The following RP1L1 variants were observed in gnomAD, a reference collection of about 807,000 sequenced individuals.
RP1L1 encodes retinitis pigmentosa 1-like 1 protein.
Under a neutral mutation model 15.7 loss-of-function variants are expected in RP1L1, and 27 were observed. That is an observed-to-expected ratio of 1.72 (90% confidence interval 1.27 to 2.38). The LOEUF is 2.38. Among genes scored for constraint, RP1L1 ranks in the 30% most tolerant of loss-of-function variants. The pLI, the probability that RP1L1 is intolerant of heterozygous loss-of-function variation, is 0.00. For synonymous variants in RP1L1, 1,813 were observed against 1,276.7 expected (o/e 1.42, Z -8.96); for missense variants, 4,798 against 3,075.9 (o/e 1.56, Z -13.24).
At chr8:10,627,109 A>G (rs891256469) in intron 1 of RP1L1, among the ~76,000 whole-genome samples, 1 of 152,186 alleles carries the variant, frequency 6.6e-6, no homozygotes, top group East Asian at 1.9e-4. Context: ...GAATTGCCAC[A>G]TGATCCAGAA....
At chr8:10,651,689 G>A (rs964353025) in intron 1 of RP1L1, among the ~76,000 whole-genome samples, 5 of 151,218 alleles carry the variant, frequency 3.3e-5, no homozygotes, top group Admixed American at 6.6e-5. Flanking sequence ...CTCAGGAGGC[G>A]GAGGCTGCAG....
At chr8:10,628,588 A>C (rs1487527297) in intron 1 of RP1L1, among the ~76,000 whole-genome samples, 4 of 152,184 alleles carry the variant, frequency 2.6e-5, no homozygotes, top group Non-Finnish European at 5.9e-5. Context: ...GTGACAGTGG[A>C]GCTCTGGGCT....
intron 1 of RP1L1, among the ~76,000 whole-genome samples, chr8:10,652,894 C>T (rs73662892): frequency 0.023 from 3,487 of 152,218 alleles, 129 homozygotes; most frequent in African/African-American, 0.079. Flanking sequence ...CTAATGTTAC[C>T]TAAAGTATTT....
In RP1L1 at chr8:10,611,127, CG is replaced by C. The variant is rs761197779; in HGVS notation, c.2970del (p.Glu991ArgfsTer80). On this transcript the variant is annotated frameshift_variant, in exon 4 of 4. Coordinates refer to ENST00000382483, the MANE Select transcript of RP1L1 (RefSeq NM_178857.6). LOFTEE classifies it low-confidence loss of function (END_TRUNC). ...TGAAGGGLRG[P>X]EVDPGDDHSL... The stretch of plus-strand genomic sequence containing the variant: ...GAATGGTCATCCCCAGGGTCCACCT[CG>C]GGGCCTCTCAGGCCACCCCCAGCTG... 1 of 1,612,916 alleles carries C rather than the reference CG, an allele frequency of 6.2e-7. No individual in the cohort carries two copies.
At chr8:10,617,063 G>A (rs1797979492) in intron 2 of RP1L1, among the ~76,000 whole-genome samples, 1 of 152,124 alleles carries the variant, frequency 6.6e-6, no homozygotes, top group Non-Finnish European at 1.5e-5. Flanking sequence ...TGTTGCCTCT[G>A]CCCAAGTGGA....
At chr8:10,622,242 C>A (rs1798071316) in intron 2 of RP1L1, among the ~76,000 whole-genome samples, 1 of 151,720 alleles carries the variant, frequency 6.6e-6, no homozygotes, top group African/African-American at 2.4e-5. Flanking sequence ...ATCATTGGAA[C>A]CCAGAAGGCA....
chr8:10,622,899 G>C lies in RP1L1; in HGVS notation c.303C>G (p.Cys101Trp), dbSNP rs756926025. The C allele has an allele frequency of 2.9e-5, 46 of 1,613,868 alleles. No individual in the cohort carries two copies. Among genetic ancestry groups the C allele is most frequent in the Middle Eastern group, 3.3e-4 (2 of 6,054 alleles). The part of the protein sequence containing the change: ...SALEQLEDGG[C>W]YLCSDKKPPK... ...GGGGCTTCTTATCAGAGCAGAGGTA[G>C]CAGCCTCCATCTTCCAGCTGCTCCA... The change falls in exon 2 of 4, where the codon TGC becomes TGG. Residue 101 changes from cysteine to tryptophan, a missense_variant. Transcript: ENST00000382483.
rs1213467871 is a variant in RP1L1 at position 10,610,230 on chromosome 8, C to G, written c.3868G>C (p.Glu1290Gln). Residue 1290 changes from glutamate (E) to glutamine (Q), a missense_variant, in exon 4 of 4, where the codon GAG becomes CAG. Physicochemically the swap from Glu to Gln is conservative, Grantham distance 29. Coordinates refer to ENST00000382483, the MANE Select transcript of RP1L1 (RefSeq NM_178857.6). ...TGCACTGTGTTTTCAGCTAACTGCT[C>G]CAGGTTCGAGCTCGCCCTCTGCTCC... ...SEEQRASSNL[E>Q]QLAENTVQEE... 1 of 1,604,352 alleles carries G rather than the reference C, an allele frequency of 6.2e-7. No individual in the cohort carries two copies. Among genetic ancestry groups the G allele is most frequent in the Admixed American group, 1.7e-5 (1 of 59,102 alleles).
intron 1 of RP1L1, among the ~76,000 whole-genome samples, chr8:10,654,200 G>C (rs939961523): frequency 1.3e-5 from 2 of 152,112 alleles, no homozygotes; most frequent in Non-Finnish European, 2.9e-5. Context: ...CACTTGACTG[G>C]CCGCTGGGGG....
chr8:10,646,622 G>A (rs1586002714), intron 1 of RP1L1, among the ~76,000 whole-genome samples: 1 of 152,100 alleles, frequency 6.6e-6, no homozygotes, highest in South Asian at 2.1e-4. Flanking sequence ...GAAGTGGTGT[G>A]GACGGAGGGG....
Position 10,607,305 on chromosome 8 carries a change from C to G in RP1L1, c.6793G>C (p.Ala2265Pro), listed in dbSNP as rs372033729. The change falls in exon 4 of 4, where the codon GCT (alanine) becomes CCT (proline). Residue 2265 changes from alanine (A) to proline (P), a missense_variant. Transcript: ENST00000382483. ...VSLGDGQSEE[A>P]SESSSPVPED... ...GGGACTGGGCTGCTGCTTTCAGAAG[C>G]CTCCTCAGATTGGCCATCTCCTAGA... is the stretch of plus-strand genomic sequence containing the variant. 1 of 1,614,222 alleles carries G rather than the reference C, an allele frequency of 6.2e-7. No homozygotes were observed. The highest frequency in any genetic ancestry group is 8.5e-7 in the Non-Finnish European group (1 of 1,180,042).
At position 10,610,312 on chromosome 8, in the gene RP1L1, C is replaced by A. The variant is rs1171094556; in HGVS notation, c.3786G>T (p.Leu1262Phe). 6.2e-7 allele frequency: 1 copy of A among 1,614,218 alleles called. No individual in the cohort carries two copies. The highest frequency in any genetic ancestry group is 8.5e-7 in the Non-Finnish European group (1 of 1,180,044). The change falls in exon 4 of 4, where the codon TTG (leucine) becomes TTT (phenylalanine). Residue 1262 changes from leucine to phenylalanine, a missense_variant. By Grantham distance (22) the Leu-to-Phe change is conservative. Transcript: ENST00000382483. ...TGGCACAAGCGCAGGCTCGGGCGTT[C>A]AAGAAGGTTGGGAAACAACACTGCT... ...NQQQCCFPTF[L>F]NARACACATN... is the part of the protein sequence containing the mutation.
rs1360554265 is a variant in RP1L1, at chr8:10,609,337, C to T, written c.4761G>A (p.Val1587=). 6.2e-7 allele frequency: 1 copy of T among 1,612,084 alleles called. No individual in the cohort carries two copies. The highest frequency in any genetic ancestry group is 1.3e-5 in the African/African-American group (1 of 74,902). The change falls in exon 4 of 4, where the codon GTG becomes GTA. Residue 1587 remains valine, a synonymous_variant. Transcript: ENST00000382483. Reference sequence around the variant, plus strand: ...TGAGGGCCTCCCTTGGAGGCTCCAGCACCATCCTACCCGCCCGGCCCTGGA... The same window carrying T: ...TGAGGGCCTCCCTTGGAGGCTCCAGTACCATCCTACCCGCCCGGCCCTGGA... The part of the protein sequence containing the change: ...QKLQGRAGRM[V]LEPPREALTG...
intron 1 of RP1L1, among the ~76,000 whole-genome samples, chr8:10,632,813 G>C (rs560504039): frequency 6.6e-6 from 1 of 152,350 alleles, no homozygotes; most frequent in Admixed American, 6.5e-5. Context: ...AAGATGAGGA[G>C]TTGGAAGCCT....
intron 2 of RP1L1, among the ~76,000 whole-genome samples, chr8:10,618,622 G>A (rs979549631): frequency 6.6e-6 from 1 of 152,126 alleles, no homozygotes; most frequent in Non-Finnish European, 1.5e-5. Context: ...AGCCCAGGAG[G>A]TCGAGGCTGC....
At chr8:10,640,367 T>A (rs929725343) in intron 1 of RP1L1, among the ~76,000 whole-genome samples, 7 of 152,220 alleles carry the variant, frequency 4.6e-5, no homozygotes, top group African/African-American at 1.7e-4. Context: ...TTTTGTTTTT[T>A]AATACTTTGT....
At chr8:10,622,449 A>T (rs1278277903) in intron 2 of RP1L1, 144 bp downstream of exon 2, 3 of 1,029,240 alleles carry the variant, frequency 2.9e-6, no homozygotes, top group Non-Finnish European at 4.5e-6. Flanking sequence ...GACTTGACTG[A>T]GTGTCTCCAT....
At chr8:10,617,399 C>CAAAAAAAAAAAA (rs369885056) in intron 2 of RP1L1, among the ~76,000 whole-genome samples, 19 of 82,956 alleles carry the variant, frequency 2.3e-4, no homozygotes, top group African/African-American at 6.6e-4. Flanking sequence ...TGCTCATTAA[C>CAAAAAAAAAAAA]AAAAAAAAAA....
chr8:10,623,778 C>A (rs1461753217), intron 1 of RP1L1, among the ~76,000 whole-genome samples: 2 of 152,100 alleles, frequency 1.3e-5, no homozygotes, highest in Non-Finnish European at 2.9e-5. Flanking sequence ...CACTATGTCC[C>A]CAGCACAGCA....
Sources: gnomAD v4.1 joint callset for allele counts (sites outside exome capture counted in the v4.1 genomes callset) on GRCh38, gnomAD v4.1.1 for gene constraint, MANE v1.5 for transcripts, NCBI Gene and HGNC (gene_info 2026-07-23, HGNC 2026-07-21) for gene names.